Variants in MRC1 observed in about 807,000 individuals in gnomAD.
The protein encoded by MRC1 is mannose receptor C-type 1, also known as macrophage mannose receptor 1.
MRC1 carries 62 observed loss-of-function variants against 102.9 expected under a neutral mutation model. The observed-to-expected ratio is 0.60, with a 90% CI of 0.49 to 0.74. The LOEUF (loss-of-function observed/expected upper bound fraction) is 0.74, where lower values mean the gene tolerates loss of function less well. Ranked by LOEUF, MRC1 falls within the 30% of genes least tolerant of loss-of-function variation. The pLI, the probability that MRC1 is intolerant of heterozygous loss-of-function variation, is 0.00. For missense variants in MRC1, 1,237 were observed against 862.8 expected (o/e 1.43, Z -5.43); for synonymous variants, 457 against 298.4 (o/e 1.53, Z -5.48).
intron 16 of MRC1, 63 bp from the exon 17 acceptor site, chr10:17,875,027 T>C: frequency 2.6e-6 from 2 of 780,570 alleles, no homozygotes; most frequent in South Asian, 2.7e-5. Flanking sequence ...TTGTGTGCTG[T>C]ACACACCAGA....
At chr10:17,867,823 G>T (rs1447184079) in intron 12 of MRC1, among the ~76,000 whole-genome samples, 4 of 152,110 alleles carry the variant, frequency 2.6e-5, no homozygotes, top group African/African-American at 9.7e-5. Context: ...TAACAAAATT[G>T]ATAAAGTATT....
intron 4 of MRC1, among the ~76,000 whole-genome samples, chr10:17,836,784 C>T (rs1292281465): frequency 1.3e-5 from 2 of 151,464 alleles, no homozygotes; most frequent in Non-Finnish European, 2.9e-5. Flanking sequence ...TGCAGTGAGT[C>T]GAGATCGCAC....
chr10:17,827,332 A>G (rs1224381532), intron 2 of MRC1, among the ~76,000 whole-genome samples: 1 of 141,358 alleles, frequency 7.1e-6, no homozygotes, highest in African/African-American at 2.6e-5. Flanking sequence ...CTATGTACCC[A>G]GCAAAAGACT....
At chr10:17,856,170 A>G (rs1314467439) in intron 8 of MRC1, 72 bp from the exon 9 acceptor site, 1 of 136,874 alleles carries the variant, frequency 7.3e-6, no homozygotes. Flanking sequence ...ACACTGTCTC[A>G]AAAAAAAAAA....
chr10:17,830,233 GT>G (rs1838548280), intron 3 of MRC1, among the ~76,000 whole-genome samples: 2 of 151,202 alleles, frequency 1.3e-5, no homozygotes, highest in Non-Finnish European at 2.9e-5. Flanking sequence ...CCAGGCTCAA[GT>G]GATTCTCCTG....
chr10:17,857,711 C>T (rs1564618303), intron 9 of MRC1, among the ~76,000 whole-genome samples: 1 of 152,168 alleles, frequency 6.6e-6, no homozygotes, highest in Non-Finnish European at 1.5e-5. Context: ...AAGAAAAAAT[C>T]CACTCATCAA....
At chr10:17,894,638 A>G (rs966386426) in intron 23 of MRC1, among the ~76,000 whole-genome samples, 3 of 151,842 alleles carry the variant, frequency 2.0e-5, no homozygotes, top group Non-Finnish European at 4.4e-5. Context: ...ACCTCAGGTG[A>G]TCTACCTGCC....
chr10:17,831,055 A>ATT (rs34705004), intron 3 of MRC1, among the ~76,000 whole-genome samples: 5,251 of 141,886 alleles, frequency 0.037, 132 homozygotes, highest in Non-Finnish European at 0.048. Flanking sequence ...TACCTGGGTA[A>ATT]TTTTTTTTTT....
intron 21 of MRC1, among the ~76,000 whole-genome samples, chr10:17,883,932 T>G (rs1833554098): frequency 6.6e-6 from 1 of 152,166 alleles, no homozygotes; most frequent in Non-Finnish European, 1.5e-5. Context: ...AGAAGCCATA[T>G]TCTATAGTCT....
At chr10:17,861,034 G>T (rs1156423863) in intron 9 of MRC1, among the ~76,000 whole-genome samples, 7 of 152,204 alleles carry the variant, frequency 4.6e-5, no homozygotes, top group Non-Finnish European at 8.8e-5. Context: ...CTAAGGCTGG[G>T]CACAGTGGCT....
chr10:17,849,440 G>T, intron 6 of MRC1, 139 bp from the exon 7 acceptor site: 1 of 592,920 alleles, frequency 1.7e-6, no homozygotes, highest in Non-Finnish European at 3.1e-6. Flanking sequence ...TGTATGCTGC[G>T]AAAATAAAAA....
chr10:17,894,268 A>T lies in MRC1; in HGVS notation c.3206A>T (p.Asp1069Val). ...ASNEAGKWMDDTCDSKRGYIC... is the reference protein window; with the variant it reads ...ASNEAGKWMDVTCDSKRGYIC... ...AATGAAGCAGGAAAATGGATGGATG[A>T]TACCTGCGACAGTAAACGAGGCTAC... Residue 1069 changes from aspartate to valine, a missense_variant, in exon 23 of 30, where the codon GAT (aspartate) becomes GTT (valine). Physicochemically the swap from Asp to Val is radical, Grantham distance 152. Transcript: ENST00000569591. 1.1e-6 allele frequency: 1 copy of T among 872,568 alleles called. No homozygotes were observed. Among genetic ancestry groups the T allele is most frequent in the South Asian group, 1.3e-5 (1 of 76,534 alleles). The allele number at this position is 872,568 out of a possible 1,614,324, so 54.1% of individuals were successfully genotyped here.
At chr10:17,896,722 G>A (rs1227277739) in intron 23 of MRC1, among the ~76,000 whole-genome samples, 1 of 152,060 alleles carries the variant, frequency 6.6e-6, no homozygotes, top group Non-Finnish European at 1.5e-5. Context: ...CTTGAGGCCA[G>A]GAGTTCAAGA....
At chr10:17,902,851 G>A (rs1007712318) in intron 26 of MRC1, among the ~76,000 whole-genome samples, 7 of 152,142 alleles carry the variant, frequency 4.6e-5, no homozygotes, top group South Asian at 2.1e-4. Context: ...TCCGAGGCAC[G>A]ATTATTGCTA....
intron 7 of MRC1, among the ~76,000 whole-genome samples, chr10:17,851,796 C>T (rs1838921541): frequency 6.6e-6 from 1 of 152,194 alleles, no homozygotes; most frequent in Admixed American, 6.5e-5. Context: ...CATTCATTCT[C>T]CACGGCACTG....
At position 17,894,067 on chromosome 10, in the gene MRC1, A is replaced by T. The variant is rs1268249359; in HGVS notation, c.3148-143A>T. ...AGGTAGAGTTGGGTAGAAAGTAATGATGGATTGAGCATATCTTAAGTTAGG... is the reference window on the plus strand; with the variant it reads ...AGGTAGAGTTGGGTAGAAAGTAATGTTGGATTGAGCATATCTTAAGTTAGG... On this transcript the variant is annotated intron_variant, in intron 22 of 29. Coordinates refer to ENST00000569591, the MANE Select transcript of MRC1 (RefSeq NM_002438.4). 8.8e-6 allele frequency: 6 copies of T among 681,528 alleles called. No homozygotes were observed. The African/African-American group carries it at 1.1e-4, about 12-fold the overall frequency. The allele number at this position is 681,528 out of a possible 1,614,324, so 42.2% of individuals were successfully genotyped here.
chr10:17,890,545 T>C (rs1469291359), intron 22 of MRC1, among the ~76,000 whole-genome samples: 2 of 152,224 alleles, frequency 1.3e-5, no homozygotes, highest in Admixed American at 1.3e-4. Context: ...TCTGCTTACG[T>C]TACCTACCCA....
intron 6 of MRC1, among the ~76,000 whole-genome samples, chr10:17,847,386 G>A (rs1037928378): frequency 9.9e-5 from 15 of 152,142 alleles, no homozygotes; most frequent in African/African-American, 3.6e-4. Context: ...CAAACACTCA[G>A]TACATTCTTA....
rs1010077087 is a variant in MRC1, at chr10:17,876,441, T to C, written c.2550+1188T>C. 1.2e-4 allele frequency among the ~76,000 whole-genome samples: 18 copies of C among 152,126 alleles called. 1 individual carries two copies. The highest frequency in any genetic ancestry group is 4.3e-4 in the African/African-American group (18 of 41,504). ...TTTTGTATTTTTAGTAGAGACAGGG[T>C]TTCACCATGTTGGCCAAGCTGACCT... On this transcript the variant is annotated intron_variant, in intron 17 of 29. Transcript: ENST00000569591.
Sources: allele counts gnomAD v4.1 joint callset (sites outside exome capture counted in the v4.1 genomes callset), GRCh38; gene constraint gnomAD v4.1.1; transcripts MANE v1.5; gene names NCBI Gene and HGNC (gene_info 2026-07-23, HGNC 2026-07-21).